Variants in COBL observed in about 807,000 individuals in gnomAD.
The protein encoded by COBL is cordon-bleu WH2 repeat protein.
A neutral mutation model predicts 98.8 loss-of-function variants in COBL; 51 were observed. The observed-to-expected ratio is 0.52, with a 90% CI of 0.41 to 0.65. COBL has a LOEUF of 0.65. Among genes scored for constraint, COBL ranks in the 30% least tolerant of loss-of-function variants. The pLI is 0.00. For missense variants in COBL, 1,617 were observed against 1,617.5 expected (o/e 1.00, Z 0.01); for synonymous variants, 634 against 651.7 (o/e 0.97, Z 0.41).
At chr7:51,138,478 A>G (rs1362114675) in intron 5 of COBL, among the ~76,000 whole-genome samples, 1 of 152,196 alleles carries the variant, frequency 6.6e-6, no homozygotes, top group African/African-American at 2.4e-5. Context: ...CTGGAGCTGG[A>G]AAGGTGTTTT....
intron 6 of COBL, among the ~76,000 whole-genome samples, chr7:51,133,224 G>A (rs1798918157): frequency 1.3e-5 from 2 of 152,298 alleles, no homozygotes; most frequent in South Asian, 4.1e-4. Flanking sequence ...CCTCCCAGAT[G>A]AGGGTTCCCT....
intron 6 of COBL, among the ~76,000 whole-genome samples, chr7:51,107,099 T>TTG (rs1353598918): frequency 2.1e-5 from 3 of 145,770 alleles, no homozygotes; most frequent in Non-Finnish European, 3.0e-5. Context: ...TTTGTTTTTT[T>TTG]TTTTTTTTTT....
At chr7:51,247,444 C>A (rs180987330) in intron 1 of COBL, among the ~76,000 whole-genome samples, 1 of 152,254 alleles carries the variant, frequency 6.6e-6, no homozygotes, top group Non-Finnish European at 1.5e-5. Flanking sequence ...AAATTGGAAA[C>A]GAAATAGGAA....
chr7:51,207,818 A>C (rs1791914368), intron 2 of COBL, among the ~76,000 whole-genome samples: 1 of 152,214 alleles, frequency 6.6e-6, no homozygotes, highest in Non-Finnish European at 1.5e-5. Flanking sequence ...GGCCTCCCAA[A>C]GTGCCGAGAT....
intron 6 of COBL, among the ~76,000 whole-genome samples, chr7:51,120,574 A>G (rs1797656331): frequency 6.6e-6 from 1 of 152,156 alleles, no homozygotes; most frequent in Non-Finnish European, 1.5e-5. Flanking sequence ...TTGTGCCACC[A>G]ATCTCCAAAA....
At chr7:51,114,110 T>A (rs996442942) in intron 6 of COBL, among the ~76,000 whole-genome samples, 2 of 152,140 alleles carry the variant, frequency 1.3e-5, no homozygotes, top group South Asian at 4.2e-4. Context: ...ATCTCCACCT[T>A]TATATGTGCA....
chr7:51,026,476 C>T, intron 11 of COBL, 70 bp downstream of exon 11: 1 of 1,581,210 alleles, frequency 6.3e-7, no homozygotes, highest in Admixed American at 1.7e-5. Flanking sequence ...CAGCCACCAC[C>T]CAAGTGCCTC....
At chr7:51,071,387 C>G (rs1792539229) in intron 7 of COBL, 1 of 152,152 alleles carries the variant, frequency 6.6e-6, no homozygotes, top group Non-Finnish European at 1.5e-5. Context: ...CATCAAATGG[C>G]CCTTCATTCT....
At chr7:51,086,057 G>A (rs1794207567) in intron 6 of COBL, among the ~76,000 whole-genome samples, 1 of 152,168 alleles carries the variant, frequency 6.6e-6, no homozygotes, top group African/African-American at 2.4e-5. Flanking sequence ...TGAATTCACT[G>A]ATTCCATTTC....
At chr7:51,058,755 C>CA (rs1338384405) in intron 7 of COBL, among the ~76,000 whole-genome samples, 1 of 152,212 alleles carries the variant, frequency 6.6e-6, no homozygotes, top group Non-Finnish European at 1.5e-5. Flanking sequence ...GAAAGCCTGA[C>CA]AGAGCATGGA....
intron 4 of COBL, 114 bp from the exon 5 acceptor site, chr7:51,184,313 A>G (rs1789276219): frequency 1.7e-6 from 1 of 593,254 alleles, no homozygotes; most frequent in Non-Finnish European, 2.9e-6. Flanking sequence ...AGTTCTTGTA[A>G]GAGAGGGAAA....
At chr7:51,144,276 G>A (rs1416158105) in intron 5 of COBL, among the ~76,000 whole-genome samples, 2 of 152,128 alleles carry the variant, frequency 1.3e-5, no homozygotes, top group Non-Finnish European at 2.9e-5. Context: ...AGCTCTATAG[G>A]AAGGTAATTA....
chr7:51,194,289 G>T (rs1790394336), intron 2 of COBL, among the ~76,000 whole-genome samples: 1 of 152,018 alleles, frequency 6.6e-6, no homozygotes, highest in East Asian at 1.9e-4. Flanking sequence ...ACATGATCTT[G>T]TTCTTTTTTT....
rs115770107 is a variant in COBL, at chr7:51,027,438, C to T, written c.3384+274G>A. Among the ~76,000 whole-genome samples the T allele has an allele frequency of 2.7e-3, 408 of 152,342 alleles. 2 individuals carry two copies. Among genetic ancestry groups the T allele is most frequent in the African/African-American group, 9.4e-3 (389 of 41,584 alleles). ...CCATTCCTCTGGCCCTGTGGATGGA[C>T]ATCACTGGCTGTTACCTTTCCCACA... On this transcript the variant is annotated intron_variant, in intron 10 of 12. Transcript: ENST00000265136.
intron 1 of COBL, among the ~76,000 whole-genome samples, chr7:51,307,323 T>C (rs56069057): frequency 6.6e-6 from 1 of 151,888 alleles, no homozygotes; most frequent in African/African-American, 2.4e-5. Context: ...CACTCCAGCC[T>C]GGGTGCCAGA....
At chr7:51,201,239 CAAAAA>C (rs1157303332) in intron 2 of COBL, among the ~76,000 whole-genome samples, 1 of 57,868 alleles carries the variant, frequency 1.7e-5, no homozygotes, top group Non-Finnish European at 3.8e-5. Context: ...GACTCCGTCT[CAAAAA>C]AAAAAAAAAA....
intron 6 of COBL, among the ~76,000 whole-genome samples, chr7:51,132,379 A>G (rs1399349353): frequency 6.6e-6 from 1 of 152,242 alleles, no homozygotes; most frequent in Admixed American, 6.5e-5. Context: ...GGCAAATGCC[A>G]TGAGATCTAT....
intron 7 of COBL, among the ~76,000 whole-genome samples, chr7:51,061,446 G>T: frequency 6.6e-6 from 1 of 152,022 alleles, no homozygotes; most frequent in Non-Finnish European, 1.5e-5. Context: ...GTGCATTTTC[G>T]GTTGTATACA....
intron 7 of COBL, among the ~76,000 whole-genome samples, chr7:51,061,227 T>C (rs539669719): frequency 6.6e-6 from 1 of 152,238 alleles, no homozygotes; most frequent in African/African-American, 2.4e-5. Context: ...GTTAAGAATA[T>C]GTTTGTGTGT....
Sources: allele counts gnomAD v4.1 joint callset (sites outside exome capture counted in the v4.1 genomes callset), GRCh38; gene constraint gnomAD v4.1.1; transcripts MANE v1.5; gene names NCBI Gene and HGNC (gene_info 2026-07-23, HGNC 2026-07-21).